The following NUTF2 variants were observed in gnomAD, a reference collection of about 807,000 sequenced individuals.
NUTF2 encodes nuclear transport factor 2, also known as placental protein 15.
NUTF2 carries 3 observed loss-of-function variants against 18.5 expected under a neutral mutation model. That is an observed-to-expected ratio of 0.16 (90% CI 0.07 to 0.42). The LOEUF (loss-of-function observed/expected upper bound fraction) is 0.42. Ranked by LOEUF, NUTF2 falls within the 10% of genes least tolerant of loss-of-function variation. The pLI, the probability that NUTF2 is intolerant of heterozygous loss-of-function variation, is 0.99. For missense variants in NUTF2, 44 were observed against 160.7 expected (o/e 0.27, Z 3.93); for synonymous variants, 51 against 57.9 (o/e 0.88, Z 0.54).
At chr16:67,855,802 C>A (rs1003519710) in intron 1 of NUTF2, among the ~76,000 whole-genome samples, 13 of 147,900 alleles carry the variant, frequency 8.8e-5, no homozygotes, top group African/African-American at 3.0e-4. Context: ...CAGGTTCTTC[C>A]ATTCTGAGGC....
chr16:67,861,402 A>G (rs1030591385), intron 1 of NUTF2, among the ~76,000 whole-genome samples: 4 of 152,232 alleles, frequency 2.6e-5, no homozygotes, highest in African/African-American at 9.6e-5. Context: ...TCTGTTGTCT[A>G]ACGGGATCTC....
At chr16:67,851,698 A>G (rs1356661944) in intron 1 of NUTF2, among the ~76,000 whole-genome samples, 2 of 151,250 alleles carry the variant, frequency 1.3e-5, no homozygotes, top group Non-Finnish European at 2.9e-5. Flanking sequence ...TGATGTTTCC[A>G]CCCTGGAGAC....
At chr16:67,862,807 C>G (rs576712929) in intron 1 of NUTF2, among the ~76,000 whole-genome samples, 12 of 152,260 alleles carry the variant, frequency 7.9e-5, no homozygotes, top group African/African-American at 2.9e-4. Flanking sequence ...TGTACCCTGA[C>G]CTGGGGGACA....
At position 67,867,781 on chromosome 16, in the gene NUTF2, G is replaced by A. The variant is rs375943136; in HGVS notation, c.100-559G>A. Among the ~76,000 whole-genome samples, 188 of 152,224 alleles carry A rather than the reference G, an allele frequency of 1.2e-3. 1 individual carries two copies. Among genetic ancestry groups the A allele is most frequent in the African/African-American group, 4.1e-3 (170 of 41,526 alleles). Reference sequence around the variant, plus strand: ...GGCTCGCTACAAACCGCCGCCTCCTGGGTTCAAGCAATTCTCCTGCCTCAG... The same window carrying A: ...GGCTCGCTACAAACCGCCGCCTCCTAGGTTCAAGCAATTCTCCTGCCTCAG... On this transcript the variant is annotated intron_variant, in intron 2 of 4. Transcript: ENST00000219169.
At position 67,865,113 on chromosome 16, in the gene NUTF2, G is replaced by T; in HGVS notation, c.-18G>T. 2 of 1,588,256 alleles carry T rather than the reference G, an allele frequency of 1.3e-6. No homozygotes were observed. On this transcript the variant is annotated 5_prime_UTR_variant, in exon 2 of 5. Coordinates refer to ENST00000219169, the MANE Select transcript of NUTF2 (RefSeq NM_005796.3). Reference sequence around the variant, plus strand: ...CATTGGTCTTGCAGGTCTCCGTGAGGCCGGGTGACGCTCCAGAATGGGAGA... The same window carrying T: ...CATTGGTCTTGCAGGTCTCCGTGAGTCCGGGTGACGCTCCAGAATGGGAGA...
At chr16:67,855,982 G>A (rs2057893868) in intron 1 of NUTF2, 14 of 1,226,650 alleles carry the variant, frequency 1.1e-5, no homozygotes. Flanking sequence ...GCTTCTTGGT[G>A]CCAGCGGCCT....
At chr16:67,851,558 C>T (rs1223210138) in intron 1 of NUTF2, among the ~76,000 whole-genome samples, 1 of 152,048 alleles carries the variant, frequency 6.6e-6, no homozygotes, top group Non-Finnish European at 1.5e-5. Flanking sequence ...GTACAACTTG[C>T]AGTTTTGTTA....
At chr16:67,849,599 C>G (rs2057837644) in intron 1 of NUTF2, among the ~76,000 whole-genome samples, 1 of 152,074 alleles carries the variant, frequency 6.6e-6, no homozygotes, top group Non-Finnish European at 1.5e-5. Context: ...CTTGGCCTCC[C>G]CAAAGTGCTG....
At chr16:67,858,519 G>A (rs2057913439) in intron 1 of NUTF2, among the ~76,000 whole-genome samples, 1 of 152,196 alleles carries the variant, frequency 6.6e-6, no homozygotes, top group Admixed American at 6.5e-5. Flanking sequence ...ATGAGGAGGT[G>A]ACATTCGAGC....
chr16:67,862,750 G>A (rs1214524126), intron 1 of NUTF2, among the ~76,000 whole-genome samples: 2 of 152,170 alleles, frequency 1.3e-5, no homozygotes, highest in Non-Finnish European at 2.9e-5. Context: ...TGGGAGGATT[G>A]CTTGAGTCCT....
At chr16:67,859,188 T>A (rs935327310) in intron 1 of NUTF2, among the ~76,000 whole-genome samples, 1 of 151,806 alleles carries the variant, frequency 6.6e-6, no homozygotes, top group African/African-American at 2.4e-5. Context: ...TTTGTTTTTG[T>A]TTGTTTGTTG....
intron 1 of NUTF2, among the ~76,000 whole-genome samples, chr16:67,864,561 A>G (rs1961687873): frequency 6.6e-6 from 1 of 151,414 alleles, no homozygotes; most frequent in Non-Finnish European, 1.5e-5. Flanking sequence ...ATCTCCCCAC[A>G]TCCTCACTGG....
At chr16:67,858,932 G>A (rs1429823322) in intron 1 of NUTF2, among the ~76,000 whole-genome samples, 1 of 151,322 alleles carries the variant, frequency 6.6e-6, no homozygotes, top group African/African-American at 2.4e-5. Flanking sequence ...GACCTCCCTG[G>A]CTCAAGCCAT....
intron 1 of NUTF2, among the ~76,000 whole-genome samples, chr16:67,859,415 T>C (rs1365360518): frequency 6.7e-6 from 1 of 149,024 alleles, no homozygotes; most frequent in Non-Finnish European, 1.5e-5. Context: ...AATGGCACAA[T>C]CTCGGTTCAC....
chr16:67,855,145 C>T (rs1315154318), intron 1 of NUTF2, among the ~76,000 whole-genome samples: 1 of 152,134 alleles, frequency 6.6e-6, no homozygotes. Flanking sequence ...TCATATATGG[C>T]AGGAATTCTT....
In NUTF2 at chr16:67,868,572, C is replaced by T. The variant is rs1195443074; in HGVS notation, c.243C>T (p.Ile81=). The T allele has an allele frequency of 3.7e-6, 6 of 1,614,058 alleles. No homozygotes were observed. The highest frequency in any genetic ancestry group is 5.1e-6 in the Non-Finnish European group (6 of 1,180,002). Reference sequence around the variant, plus strand: ...ATCAGCCCACTCCAGATAGCTGCATCATCAGCATGGTTGTGGGCCAGCTTA... The same window carrying T: ...ATCAGCCCACTCCAGATAGCTGCATTATCAGCATGGTTGTGGGCCAGCTTA... ...QDHQPTPDSC[I]ISMVVGQLKA... is the part of the protein sequence containing the mutation. The change falls in exon 4 of 5, where the codon ATC becomes ATT. Residue 81 remains isoleucine (I), a synonymous_variant. Transcript: ENST00000219169.
intron 1 of NUTF2, among the ~76,000 whole-genome samples, chr16:67,848,907 C>T (rs921137994): frequency 6.6e-6 from 1 of 152,130 alleles, no homozygotes; most frequent in Admixed American, 6.6e-5. Context: ...TGAATATTTT[C>T]CCAGGTAATG....
chr16:67,851,682 G>A lies in NUTF2; in HGVS notation c.-30+4697G>A, dbSNP rs184968077. ...CTACCCCCGCCCCAGGACAGGCCCCGGTGTGTGATGTTTCCACCCTGGAGA... is the reference window on the plus strand; with the variant it reads ...CTACCCCCGCCCCAGGACAGGCCCCAGTGTGTGATGTTTCCACCCTGGAGA... On this transcript the variant is annotated intron_variant, in intron 1 of 4. Coordinates refer to ENST00000219169, the MANE Select transcript of NUTF2 (RefSeq NM_005796.3). 4.0e-3 allele frequency among the ~76,000 whole-genome samples: 610 copies of A among 151,804 alleles called. 3 individuals are homozygous for A. Among genetic ancestry groups the A allele is most frequent in the Non-Finnish European group, 6.8e-3 (463 of 67,926 alleles).
chr16:67,852,200 TGTAGTTCCA>T (rs1446537512), intron 1 of NUTF2, among the ~76,000 whole-genome samples: 1 of 151,988 alleles, frequency 6.6e-6, no homozygotes, highest in African/African-American at 2.4e-5. Flanking sequence ...GTTGTATACC[TGTAGTTCCA>T]GCTGCTCAAG....
Sources: allele counts gnomAD v4.1 joint callset (sites outside exome capture counted in the v4.1 genomes callset), GRCh38; gene constraint gnomAD v4.1.1; transcripts MANE v1.5; gene names NCBI Gene and HGNC (gene_info 2026-07-23, HGNC 2026-07-21).